The following AARS2 variants were observed in gnomAD, a reference collection of about 807,000 sequenced individuals.
AARS2 encodes alanyl-tRNA synthetase 2, mitochondrial.
AARS2 carries 78 observed loss-of-function variants against 119.7 expected under a neutral mutation model. The ratio of observed to expected loss-of-function variants is 0.65; its 90% confidence interval spans 0.54 to 0.79. The LOEUF is 0.79. Ranked by LOEUF, AARS2 falls within the 30% of genes least tolerant of loss-of-function variation. AARS2 has a pLI of 0.00. For synonymous variants in AARS2, 502 were observed against 526.3 expected (o/e 0.95, Z 0.63); for missense variants, 1,157 against 1,291.3 (o/e 0.90, Z 1.59).
In AARS2 at chr6:44,302,135, C is replaced by A. The variant is rs375936218; in HGVS notation, c.2523G>T (p.Arg841=). ...TCTTCACTGTGGCCAGCAGCTCCCG[C>A]CGCTGCCACTGGGGCATCACAGCAG... The part of the protein sequence containing the change: ...VETAVMPQWQ[R]RELLATVKML... Residue 841 remains arginine (R), a synonymous_variant, in exon 19 of 22, where the codon CGG becomes CGT. Transcript: ENST00000244571. The A allele has an allele frequency of 6.2e-7, 1 of 1,613,912 alleles. No individual in the cohort carries two copies. Among genetic ancestry groups the A allele is most frequent in the Admixed American group, 1.7e-5 (1 of 60,032 alleles).
In AARS2 at chr6:44,306,654, AG is replaced by A. The variant is rs1394847596; in HGVS notation, c.1150-123del. ...CTCAGACACATTGAGGGGCTGGGAG[AG>A]GGACTCAAATGGGGAACTGGTTTCC... On this transcript the variant is annotated intron_variant, in intron 7 of 21. Transcript: ENST00000244571. The A allele has an allele frequency of 2.4e-6, 3 of 1,224,734 alleles. No homozygotes were observed. In the Admixed American group the frequency reaches 5.1e-5, roughly 21 times the overall value. 75.9% of individuals were successfully genotyped at this position (1,224,734 alleles called of 1,614,324 possible). A position where few individuals can be genotyped will look rare whatever the true frequency, so the allele number is the denominator to read the frequency against.
chr6:44,303,413 G>A lies in AARS2; in HGVS notation c.2018C>T (p.Thr673Ile), dbSNP rs1226044537. The A allele has an allele frequency of 1.2e-6, 2 of 1,614,042 alleles. No homozygotes were observed. The highest frequency in any genetic ancestry group is 1.7e-6 in the Non-Finnish European group (2 of 1,180,034). Residue 673 changes from threonine to isoleucine, a missense_variant, in exon 15 of 22, where the codon ACC (threonine) becomes ATC (isoleucine). Transcript: ENST00000244571. The part of the protein sequence containing the change: ...RLDVTTQTPL[T>I]PEQLRAVENT... ...CTCCACTGCCCGGAGCTGCTCTGGG[G>A]TCAATGGGGTCTGGAGGGGTGGGGA... is the stretch of plus-strand genomic sequence containing the variant.
intron 11 of AARS2, 64 bp from the exon 12 acceptor site, chr6:44,304,881 G>A: frequency 6.2e-7 from 1 of 1,611,324 alleles, no homozygotes; most frequent in Non-Finnish European, 8.5e-7. Flanking sequence ...GTGGGTCTGT[G>A]CCTGGAGGCC....
At chr6:44,304,598 G>A (rs772619980) in intron 12 of AARS2, 47 bp downstream of exon 12, 2 of 1,614,024 alleles carry the variant, frequency 1.2e-6, no homozygotes, top group Admixed American at 1.7e-5. Flanking sequence ...ACTCAGGCTT[G>A]GGTCTGCCGC....
At chr6:44,311,205 G>C in intron 3 of AARS2, 44 bp from the exon 4 acceptor site, 6 of 1,612,824 alleles carry the variant, frequency 3.7e-6, no homozygotes, top group Non-Finnish European at 5.1e-6. Flanking sequence ...GACAGACCCA[G>C]AAGCTGGGAC....
In AARS2 at chr6:44,300,917, T is replaced by C. The variant is rs928893206; in HGVS notation, c.2794-206A>G. ...TATGAACGTGAACATCTGCTACTTG[T>C]TTACAAGGGATGTGAGGCCTGGGAG... On this transcript the variant is annotated intron_variant, in intron 21 of 21. Coordinates refer to ENST00000244571, the MANE Select transcript of AARS2 (RefSeq NM_020745.4). The C allele has an allele frequency of 8.1e-6, 6 of 744,282 alleles. No homozygotes were observed. In the African/African-American group the frequency reaches 8.6e-5, roughly 11 times the overall value. The allele number at this position is 744,282 out of a possible 1,614,324, so 46.1% of individuals were successfully genotyped here. A position where few individuals can be genotyped will look rare whatever the true frequency, so the allele number is the denominator to read the frequency against.
chr6:44,311,400 G>C lies in AARS2; in HGVS notation c.571C>G (p.Leu191Val). ...AGGGGGCTGACTTACCCTAAGCTCAGCCAGATGTCCCTGGTCTCCAGGTCT... is the reference window on the plus strand; with the variant it reads ...AGGGGGCTGACTTACCCTAAGCTCACCCAGATGTCCCTGGTCTCCAGGTCT... ...DPDLETRDIW[L>V]SLGVPASRVL... is the part of the protein sequence containing the mutation. Residue 191 changes from leucine (L) to valine (V), a missense_variant, in exon 3 of 22, where the codon CTG becomes GTG. Physicochemically the swap from Leu to Val is conservative, Grantham distance 32 (BLOSUM62 1). Transcript: ENST00000244571. The C allele has an allele frequency of 6.2e-7, 1 of 1,614,176 alleles. No homozygotes were observed. The highest frequency in any genetic ancestry group is 8.5e-7 in the Non-Finnish European group (1 of 1,180,036).
intron 21 of AARS2, 125 bp from the exon 22 acceptor site, chr6:44,300,836 G>T: frequency 7.9e-7 from 1 of 1,267,004 alleles, no homozygotes; most frequent in Non-Finnish European, 1.1e-6. Flanking sequence ...CACATGGTGG[G>T]GCAGTCAGGT....
At chr6:44,301,798 AG>A (rs1785380512) in intron 19 of AARS2, among the ~76,000 whole-genome samples, 1 of 152,234 alleles carries the variant, frequency 6.6e-6, no homozygotes, top group South Asian at 2.1e-4. Flanking sequence ...AGGTGCAATC[AG>A]GGCTGAATGG....
chr6:44,310,568 C>G, intron 4 of AARS2, 125 bp from the exon 5 acceptor site: 1 of 1,267,622 alleles, frequency 7.9e-7, no homozygotes, highest in Non-Finnish European at 1.1e-6. Flanking sequence ...ACCAGACAAT[C>G]AGTATCTTCC....
In AARS2 at chr6:44,302,860, C is replaced by T. The variant is rs369019471; in HGVS notation, c.2306G>A (p.Arg769His). 20 of 1,613,940 alleles carry T rather than the reference C, an allele frequency of 1.2e-5. No homozygotes were observed. The highest frequency in any genetic ancestry group is 5.3e-5 in the African/African-American group (4 of 74,924). ...AVGDLVIIGD[R>H]QLSKGTTRLL... is the part of the protein sequence containing the mutation. ...GCGGGTAGTGCCCTTGGAAAGCTGG[C>T]GGTCCCCGATGATAACCAGGTCCCC... Residue 769 changes from arginine (R) to histidine (H), a missense_variant, in exon 17 of 22, where the codon CGC (arginine) becomes CAC (histidine). By Grantham distance (29) the Arg-to-His change is conservative (BLOSUM62 0). Transcript: ENST00000244571.
rs1180906838 is a variant in AARS2, at chr6:44,298,753, C to CAGAATTTGGT, written c.*1784_*1793dup. 6.6e-6 allele frequency among the ~76,000 whole-genome samples: 1 copy of CAGAATTTGGT among 152,210 alleles called. No individual in the cohort carries two copies. The highest frequency in any genetic ancestry group is 1.5e-5 in the Non-Finnish European group (1 of 68,036). The stretch of plus-strand genomic sequence containing the variant: ...CGCTGCTCGAATAATTTTTACTAGA[C>CAGAATTTGGT]AGAATTTGGTAGCCAGGGAGCCCTT... On this transcript the variant is annotated 3_prime_UTR_variant, in exon 22 of 22. Coordinates refer to ENST00000244571, the MANE Select transcript of AARS2 (RefSeq NM_020745.4).
rs758282043 is a variant in AARS2, at chr6:44,305,285, C to A, written c.1435-87G>T. 5.7e-6 allele frequency: 9 copies of A among 1,572,946 alleles called. No individual in the cohort carries two copies. Among genetic ancestry groups the A allele is most frequent in the South Asian group, 5.6e-5 (5 of 90,008 alleles). On this transcript the variant is annotated intron_variant, in intron 10 of 21. Transcript: ENST00000244571. The surrounding 1 kb of genome is among the most constrained non-coding windows in gnomAD (Gnocchi z 4.6). The stretch of plus-strand genomic sequence containing the variant: ...TCAGCCTCGCAGGGCCCTGTCCCTG[C>A]CACACAGCTGTGGACTCTGCAGCCC...
At position 44,307,386 on chromosome 6, in the gene AARS2, C is replaced by T. The variant is rs148411369; in HGVS notation, c.903G>A (p.Arg301=). The change falls in exon 6 of 22, where the codon AGG becomes AGA. Residue 301 remains arginine (R), a synonymous_variant. Coordinates refer to ENST00000244571, the MANE Select transcript of AARS2 (RefSeq NM_020745.4). This position sits in a 1 kb window ranked among gnomAD's most constrained non-coding sequence, Gnocchi z 4.4. Reference sequence around the variant, plus strand: ...CTACTCGGCCCAAGTAAGGGGGTGCCCTGCAGCCCTGGGAAGCAGAAGAGT... The same window carrying T: ...CTACTCGGCCCAAGTAAGGGGGTGCTCTGCAGCCCTGGGAAGCAGAAGAGT... ...PLLNAIQQGC[R]APPYLGRVGV... The T allele has an allele frequency of 6.2e-7, 1 of 1,603,616 alleles. No individual in the cohort carries two copies. Among genetic ancestry groups the T allele is most frequent in the South Asian group, 1.1e-5 (1 of 89,386 alleles).
chr6:44,306,304 G>A lies in AARS2; in HGVS notation c.1276C>T (p.Leu426=). The change falls in exon 9 of 22, where the codon CTG becomes TTG. Residue 426 remains leucine, a synonymous_variant. Transcript: ENST00000244571. ...RRIIDRTLRT[L]GPSDMFPAEV... ...CCAGGGAACATATCTGAAGGCCCCA[G>A]GGTCCTCAGAGTCCGATCAATGATC... The A allele has an allele frequency of 1.2e-6, 2 of 1,614,158 alleles. No homozygotes were observed. The highest frequency in any genetic ancestry group is 4.5e-5 in the East Asian group (2 of 44,886).
At chr6:44,309,139 A>T (rs528082089) in intron 5 of AARS2, among the ~76,000 whole-genome samples, 1 of 152,188 alleles carries the variant, frequency 6.6e-6, no homozygotes, top group African/African-American at 2.4e-5. Context: ...AATACAGTGG[A>T]AACAACACTG....
intron 15 of AARS2, 30 bp downstream of exon 15, chr6:44,303,256 A>T (rs773740441): frequency 6.2e-7 from 1 of 1,614,088 alleles, no homozygotes; most frequent in Non-Finnish European, 8.5e-7. Context: ...GAGGCCCCCG[A>T]TCTCCAGCAA....
In AARS2 at chr6:44,307,253, G is replaced by T. The variant is rs1438347145; in HGVS notation, c.1036C>A (p.Pro346Thr). ...CTGTAGCCCTTCCAGACTCACGGGG[G>T]ACCTGACATCCCAGGGAAGATGCCA... ...SDGIFPGMSG[P>T]PLVLRRILRR... Residue 346 changes from proline to threonine, a missense_variant, in exon 6 of 22, where the codon CCC becomes ACC. By Grantham distance (38) the Pro-to-Thr change is conservative. Transcript: ENST00000244571. The surrounding 1 kb of genome is among the most constrained non-coding windows in gnomAD (Gnocchi z 4.4). The T allele has an allele frequency of 1.2e-6, 2 of 1,613,844 alleles. No individual in the cohort carries two copies. Among genetic ancestry groups the T allele is most frequent in the Admixed American group, 1.7e-5 (1 of 59,994 alleles).
rs759161776 is a variant in AARS2, at chr6:44,305,767, C to G, written c.1320G>C (p.Leu440Phe). 1 of 1,614,138 alleles carries G rather than the reference C, an allele frequency of 6.2e-7. No individual in the cohort carries two copies. Among genetic ancestry groups the G allele is most frequent in the Non-Finnish European group, 8.5e-7 (1 of 1,180,016 alleles). Residue 440 changes from leucine to phenylalanine, a missense_variant, in exon 10 of 22, where the codon TTG becomes TTC. Transcript: ENST00000244571. This position sits in a 1 kb window ranked among gnomAD's most constrained non-coding sequence, Gnocchi z 4.6. The stretch of plus-strand genomic sequence containing the variant: ...GGAGTCCCAGGTCTCCACACAGTGA[C>G]AAGGACCAGGCCACTTCAGCTTTGA... ...DMFPAEVAWS[L>F]SLCGDLGLPL...
Sources: allele counts gnomAD v4.1 joint callset (sites outside exome capture counted in the v4.1 genomes callset), GRCh38; gene constraint gnomAD v4.1.1; non-coding constraint Gnocchi (gnomAD v3.1); transcripts MANE v1.5; gene names NCBI Gene and HGNC (gene_info 2026-07-23, HGNC 2026-07-21).